The following ZNF782 variants were observed in gnomAD, a reference collection of about 807,000 sequenced individuals.
ZNF782 encodes the protein zinc finger protein 782.
A neutral mutation model predicts 13.0 loss-of-function variants in ZNF782; 12 were observed. The observed-to-expected ratio is 0.92, with a 90% CI of 0.59 to 1.50. The LOEUF (loss-of-function observed/expected upper bound fraction) is 1.50. Ranked by LOEUF, ZNF782 falls within the 40% of genes most tolerant of loss-of-function variation. ZNF782 has a pLI of 0.00. For missense variants in ZNF782, 770 were observed against 822.9 expected (o/e 0.94, Z 0.79); for synonymous variants, 284 against 283.0 (o/e 1.00, Z -0.04).
At chr9:96,834,334 C>A (rs1850914593) in intron 4 of ZNF782, among the ~76,000 whole-genome samples, 1 of 152,212 alleles carries the variant, frequency 6.6e-6, no homozygotes, top group Non-Finnish European at 1.5e-5. Context: ...GAAGAGGTGC[C>A]TTCCACTATA....
the ZNF782 span, among the ~76,000 whole-genome samples, chr9:96,896,415 AGAAGTAG>A: frequency 6.6e-6 from 1 of 152,196 alleles, no homozygotes; most frequent in African/African-American, 2.4e-5. Context: ...GGAAGCAGTA[AGAAGTAG>A]CAACTATTCT....
At chr9:96,849,747 A>C (rs1851437565) in intron 3 of ZNF782, among the ~76,000 whole-genome samples, 1 of 152,226 alleles carries the variant, frequency 6.6e-6, no homozygotes, top group Non-Finnish European at 1.5e-5. Context: ...GAATGGGAGA[A>C]AATATTTACA....
chr9:96,824,021 A>G (rs961504204), intron 5 of ZNF782, among the ~76,000 whole-genome samples: 1 of 152,226 alleles, frequency 6.6e-6, no homozygotes, highest in African/African-American at 2.4e-5. Context: ...TCCAATCAAC[A>G]GAAAAAGAGG....
At chr9:96,901,464 G>T in the ZNF782 span, among the ~76,000 whole-genome samples, 1 of 150,860 alleles carries the variant, frequency 6.6e-6, no homozygotes, top group East Asian at 2.0e-4. Flanking sequence ...TAGAGACGAG[G>T]TTTCATTATG....
the ZNF782 span, among the ~76,000 whole-genome samples, chr9:96,933,080 T>C: frequency 1.3e-5 from 2 of 150,232 alleles, no homozygotes; most frequent in Middle Eastern, 3.4e-3. Context: ...CAGGTTCACG[T>C]CATTCTCCTG....
Position 96,819,304 on chromosome 9 carries a change from C to A in ZNF782, c.719G>T (p.Gly240Val), listed in dbSNP as rs1183596360. ...AAATTTATTGAAATTGTAAGATTTT[C>A]CTTTTGGGTGGGTACTGTTAGATGT... ...LVTSNSTHPK[G>V]KSYNFNKFGE... The change falls in exon 6 of 6, where the codon GGA (glycine) becomes GTA (valine). Residue 240 changes from glycine to valine, a missense_variant. By Grantham distance (109) the Gly-to-Val change is moderately radical (BLOSUM62 -3). Coordinates refer to ENST00000481138, the MANE Select transcript of ZNF782 (RefSeq NM_001001662.3). 3.7e-6 allele frequency: 6 copies of A among 1,612,448 alleles called. No homozygotes were observed. The highest frequency in any genetic ancestry group is 3.3e-4 in the Middle Eastern group (2 of 6,052).
At chr9:96,882,813 C>T in the ZNF782 span, among the ~76,000 whole-genome samples, 1 of 152,320 alleles carries the variant, frequency 6.6e-6, no homozygotes, top group East Asian at 1.9e-4. Context: ...TCCTTGGACA[C>T]TGTGGCCTCA....
chr9:96,871,291 T>A (rs568843023), intron 1 of ZNF782, among the ~76,000 whole-genome samples: 1 of 152,206 alleles, frequency 6.6e-6, no homozygotes, highest in South Asian at 2.1e-4. Context: ...TTCTTCTTTT[T>A]TTTTTTAAAT....
chr9:96,920,963 G>C, the ZNF782 span, among the ~76,000 whole-genome samples: 5 of 142,936 alleles, frequency 3.5e-5, no homozygotes. Context: ...TATTCTGATA[G>C]TAATACGACC....
At chr9:96,875,423 G>A (rs745536929) in intron 1 of ZNF782, 75 of 454,454 alleles carry the variant, frequency 1.7e-4, no homozygotes, top group Non-Finnish European at 3.5e-5. Flanking sequence ...CTCATTTTCA[G>A]GCGAGAAACC....
At chr9:96,929,395 G>C in the ZNF782 span, among the ~76,000 whole-genome samples, 2 of 151,806 alleles carry the variant, frequency 1.3e-5, no homozygotes, top group Non-Finnish European at 1.5e-5. Flanking sequence ...CCTGAGCCCT[G>C]TGCCGTGTCT....
the ZNF782 span, among the ~76,000 whole-genome samples, chr9:96,926,631 G>C: frequency 6.6e-6 from 1 of 151,614 alleles, no homozygotes; most frequent in Non-Finnish European, 1.5e-5. Context: ...TTTTAGAGTT[G>C]GGACAAAACC....
At chr9:96,849,121 G>A (rs1851420696) in intron 3 of ZNF782, among the ~76,000 whole-genome samples, 2 of 152,190 alleles carry the variant, frequency 1.3e-5, no homozygotes, top group South Asian at 4.1e-4. Flanking sequence ...TTTGGCACCA[G>A]GAACTGGTTT....
the ZNF782 span, among the ~76,000 whole-genome samples, chr9:96,899,800 T>C: frequency 6.6e-6 from 1 of 151,998 alleles, no homozygotes; most frequent in Non-Finnish European, 1.5e-5. Flanking sequence ...GGGATTTTCT[T>C]GTGTTGTTTG....
chr9:96,865,164 T>C (rs1350902652), intron 1 of ZNF782, among the ~76,000 whole-genome samples: 1 of 152,208 alleles, frequency 6.6e-6, no homozygotes, highest in Non-Finnish European at 1.5e-5. Flanking sequence ...CCCCACATTC[T>C]CTTCTGACCA....
chr9:96,816,882 AC>A lies in ZNF782; in HGVS notation c.*1040del, dbSNP rs1434391547. ...TGCTGTCCGAGATTTGTCCTATGTG[AC>A]TTTTCTGACATACACTGAGTTCAGA... is the stretch of plus-strand genomic sequence containing the variant. On this transcript the variant is annotated 3_prime_UTR_variant, in exon 6 of 6. Transcript: ENST00000481138. The A allele has an allele frequency of 6.6e-6, 1 of 152,218 alleles. No homozygotes were observed. The highest frequency in any genetic ancestry group is 1.5e-5 in the Non-Finnish European group (1 of 68,056). 9.4% of individuals were successfully genotyped at this position (152,218 alleles called of 1,614,324 possible). A position where few individuals can be genotyped will look rare whatever the true frequency, so the allele number is the denominator to read the frequency against.
intron 1 of ZNF782, among the ~76,000 whole-genome samples, chr9:96,865,404 A>T (rs990571893): frequency 2.0e-5 from 3 of 152,228 alleles, no homozygotes; most frequent in Non-Finnish European, 4.4e-5. Context: ...GTTTCCCTAC[A>T]CAAGCTCGTC....
At chr9:96,907,074 T>C in the ZNF782 span, among the ~76,000 whole-genome samples, 1 of 151,892 alleles carries the variant, frequency 6.6e-6, no homozygotes, top group Non-Finnish European at 1.5e-5. Flanking sequence ...CCCATGTTCA[T>C]AGCAGCATTA....
At chr9:96,839,297 T>C (rs1851113587) in intron 4 of ZNF782, among the ~76,000 whole-genome samples, 1 of 146,442 alleles carries the variant, frequency 6.8e-6, no homozygotes, top group Non-Finnish European at 1.5e-5. Context: ...TTTTTTTTTT[T>C]TGTCTGTACC....
Sources: allele counts gnomAD v4.1 joint callset (sites outside exome capture counted in the v4.1 genomes callset), GRCh38; gene constraint gnomAD v4.1.1; transcripts MANE v1.5; gene names NCBI Gene and HGNC (gene_info 2026-07-23, HGNC 2026-07-21).